Variants in FGF12 observed in about 807,000 individuals in gnomAD.
FGF12 encodes the protein fibroblast growth factor 12B.
In FGF12, 14 loss-of-function variants were observed where a neutral mutation model predicts 23.6. The observed-to-expected ratio is 0.59, with a 90% CI of 0.39 to 0.93. The LOEUF (loss-of-function observed/expected upper bound fraction) is 0.93. Among genes scored for constraint, FGF12 ranks in the 40% least tolerant of loss-of-function variants. FGF12 has a pLI of 0.00. For missense variants in FGF12, 175 were observed against 217.8 expected (o/e 0.80, Z 1.24); for synonymous variants, 62 against 77.3 (o/e 0.80, Z 1.04).
At chr3:192,358,598 C>T (rs1056586042) in intron 3 of FGF12, among the ~76,000 whole-genome samples, 1 of 151,312 alleles carries the variant, frequency 6.6e-6, no homozygotes, top group African/African-American at 2.4e-5. Context: ...GCAGTTCACC[C>T]AGCGTCAGCA....
chr3:192,284,093 C>T (rs548234103), intron 4 of FGF12, among the ~76,000 whole-genome samples: 3 of 152,148 alleles, frequency 2.0e-5, no homozygotes, highest in East Asian at 1.9e-4. Flanking sequence ...TGCAGCTTTT[C>T]CAGCTACTAG....
At chr3:192,561,367 T>A (rs1712012197) in intron 2 of FGF12, among the ~76,000 whole-genome samples, 1 of 151,698 alleles carries the variant, frequency 6.6e-6, no homozygotes, top group Non-Finnish European at 1.5e-5. Flanking sequence ...AACTTCACTT[T>A]TCTTTTTTTT....
In FGF12 at chr3:192,381,041, T is replaced by C. The variant is rs1330812484; in HGVS notation, c.14-20503A>G. 4.0e-5 allele frequency among the ~76,000 whole-genome samples: 6 copies of C among 151,816 alleles called. No individual in the cohort carries two copies. In the South Asian group the frequency reaches 1.0e-3, roughly 26 times the overall value. ...AAATTATTGCAATATCATACATTCA[T>C]TTTCTTCATGCTAAGTCTTCAAAAC... On this transcript the variant is annotated intron_variant, in intron 2 of 5. Coordinates refer to ENST00000445105, the MANE Select transcript of FGF12 (RefSeq NM_004113.6).
chr3:192,693,367 A>T (rs1054199639), intron 2 of FGF12, among the ~76,000 whole-genome samples: 5 of 152,174 alleles, frequency 3.3e-5, no homozygotes, highest in African/African-American at 1.2e-4. Flanking sequence ...TACAGATTCA[A>T]CACAATCCCT....
intron 2 of FGF12, among the ~76,000 whole-genome samples, chr3:192,681,874 T>C (rs1205552514): frequency 1.3e-5 from 2 of 152,170 alleles, no homozygotes; most frequent in East Asian, 3.9e-4. Context: ...AGGGTCACCA[T>C]AGAATGACTG....
chr3:192,512,840 A>ATG (rs1724525784), intron 2 of FGF12, among the ~76,000 whole-genome samples: 2 of 119,142 alleles, frequency 1.7e-5, no homozygotes, highest in African/African-American at 6.2e-5. Flanking sequence ...AAATAAATAT[A>ATG]TATATATATA....
intron 2 of FGF12, among the ~76,000 whole-genome samples, chr3:192,682,676 A>G (rs1415011223): frequency 1.3e-5 from 2 of 152,112 alleles, no homozygotes; most frequent in Non-Finnish European, 2.9e-5. Context: ...AAATCATCAG[A>G]GTGTCTGTGA....
intron 3 of FGF12, among the ~76,000 whole-genome samples, chr3:192,349,503 T>C (rs1718111102): frequency 6.6e-6 from 1 of 152,066 alleles, no homozygotes; most frequent in African/African-American, 2.4e-5. Context: ...TGCCCTTAGA[T>C]GAATAATAAA....
chr3:192,634,543 G>T (rs1028143791), intron 2 of FGF12, among the ~76,000 whole-genome samples: 25 of 152,076 alleles, frequency 1.6e-4, no homozygotes, highest in Non-Finnish European at 3.2e-4. Context: ...ACTGAGGGAT[G>T]ACTATATATA....
rs72607876 is a variant in FGF12, at chr3:192,372,393, A to T, written c.14-11855T>A. Among the ~76,000 whole-genome samples the T allele has an allele frequency of 8.7e-4, 86 of 98,666 alleles. No homozygotes were observed. The East Asian group carries it at 0.034, about 39-fold the overall frequency. The allele number at this position is 98,666 out of a possible 152,430, so 64.7% of individuals were successfully genotyped here. A position where few individuals can be genotyped will look rare whatever the true frequency, so the allele number is the denominator to read the frequency against. Reference sequence around the variant, plus strand: ...TTGTCTATCATCTTTTCATACCATCACACACACACACACACACACACACAC... The same window carrying T: ...TTGTCTATCATCTTTTCATACCATCTCACACACACACACACACACACACAC... On this transcript the variant is annotated intron_variant, in intron 2 of 5. Transcript: ENST00000445105.
intron 2 of FGF12, among the ~76,000 whole-genome samples, chr3:192,535,425 AG>A (rs1199782440): frequency 6.6e-6 from 1 of 152,212 alleles, no homozygotes; most frequent in African/African-American, 2.4e-5. Flanking sequence ...ACATGCACAG[AG>A]GAGTCAGAGA....
chr3:192,700,056 G>C (rs773645965), intron 2 of FGF12, among the ~76,000 whole-genome samples: 1 of 152,240 alleles, frequency 6.6e-6, no homozygotes. Context: ...AAAAACTACA[G>C]TACTTCTTAC....
intron 2 of FGF12, among the ~76,000 whole-genome samples, chr3:192,562,126 T>C (rs73197298): frequency 0.024 from 3,665 of 152,246 alleles, 75 homozygotes; most frequent in Non-Finnish European, 0.037. Flanking sequence ...AGAAATTTTG[T>C]TTAGGAAGAA....
chr3:192,188,234 C>A (rs1716593895), intron 4 of FGF12, among the ~76,000 whole-genome samples: 1 of 152,228 alleles, frequency 6.6e-6, no homozygotes, highest in African/African-American at 2.4e-5. Context: ...GGCAGGAATT[C>A]TAAGCATAGG....
At chr3:192,246,747 C>T (rs938702418) in intron 4 of FGF12, among the ~76,000 whole-genome samples, 30 of 150,306 alleles carry the variant, frequency 2.0e-4, no homozygotes, top group African/African-American at 7.1e-4. Context: ...ATCGCTTGAA[C>T]CCGGGAAGCA....
At chr3:192,285,176 T>C (rs773514352) in intron 4 of FGF12, among the ~76,000 whole-genome samples, 1 of 152,098 alleles carries the variant, frequency 6.6e-6, no homozygotes, top group Non-Finnish European at 1.5e-5. Context: ...TCTGCCAGTT[T>C]AATCCCCATG....
chr3:192,477,356 T>C (rs1438339147), intron 2 of FGF12, among the ~76,000 whole-genome samples: 1 of 151,864 alleles, frequency 6.6e-6, no homozygotes, highest in Non-Finnish European at 1.5e-5. Context: ...AAAGCAGAGG[T>C]GGGAGAGTGG....
chr3:192,496,426 C>T (rs1220450223), intron 2 of FGF12, among the ~76,000 whole-genome samples: 1 of 152,090 alleles, frequency 6.6e-6, no homozygotes, highest in Non-Finnish European at 1.5e-5. Context: ...TAGGAAGACG[C>T]TTTTACACTT....
rs145743753 is a variant in FGF12 at position 192,333,071 on chromosome 3, C to T, written c.228+2290G>A. The stretch of plus-strand genomic sequence containing the variant: ...CCTCTTTTGGCTCAAGATTCCCACC[C>T]CCTCGTAACCTCAGAACTAAGCAAG... On this transcript the variant is annotated intron_variant, in intron 4 of 5. Transcript: ENST00000445105. 2.4e-3 allele frequency among the ~76,000 whole-genome samples: 366 copies of T among 152,164 alleles called. 2 individuals are homozygous for T. Among genetic ancestry groups the T allele is most frequent in the Middle Eastern group, 0.014 (4 of 294 alleles).
Sources: gnomAD v4.1 joint callset for allele counts (sites outside exome capture counted in the v4.1 genomes callset) on GRCh38, gnomAD v4.1.1 for gene constraint, MANE v1.5 for transcripts, NCBI Gene and HGNC (gene_info 2026-07-23, HGNC 2026-07-21) for gene names.